ARFGEF3: variants seen among roughly 807,000 people sequenced by gnomAD.
ARFGEF3 encodes the protein brefeldin A-inhibited guanine nucleotide-exchange protein 3.
In ARFGEF3, 96 loss-of-function variants were observed where a neutral mutation model predicts 221.7. That is an observed-to-expected ratio of 0.43 (90% CI 0.37 to 0.51). ARFGEF3 has a LOEUF of 0.51. ARFGEF3 is among the 20% of genes least tolerant of loss of function. ARFGEF3 has a pLI of 0.00. For synonymous variants in ARFGEF3, 1,145 were observed against 1,126.8 expected, an observed-to-expected ratio of 1.02 and a Z score of -0.32; for missense variants, 2,410 against 2,789.9, an observed-to-expected ratio of 0.86 and a Z score of 3.07.
At chr6:138,286,616 C>T (rs1251005502) in intron 15 of ARFGEF3, 85 bp from the exon 16 acceptor site, 1 of 1,052,840 alleles carries the variant, frequency 9.5e-7, no homozygotes, top group African/African-American at 1.6e-5. Flanking sequence ...GAGTACTGCT[C>T]ATTTGATAGC....
At chr6:138,231,933 G>T (rs1421112111) in intron 5 of ARFGEF3, among the ~76,000 whole-genome samples, 1 of 152,186 alleles carries the variant, frequency 6.6e-6, no homozygotes, top group Admixed American at 6.5e-5. Context: ...ATAATGAAAA[G>T]TTCTTAGAAC....
chr6:138,321,211 C>T lies in ARFGEF3; in HGVS notation c.4752C>T (p.Gly1584=). 6.5e-7 allele frequency: 1 copy of T among 1,547,266 alleles called. No homozygotes were observed. Among genetic ancestry groups the T allele is most frequent in the Non-Finnish European group, 8.8e-7 (1 of 1,141,374 alleles). ...CCACTGAAACCATCTCCAGAGTGGG[C>T]TGCTCCTGTATTAGGTGAGGAAATG... The part of the protein sequence containing the change: ...AKPTETISRV[G]CSCIRYVLVT... Residue 1584 remains glycine, a synonymous_variant, in exon 29 of 34, where the codon GGC becomes GGT. Transcript: ENST00000251691.
At chr6:138,297,898 A>G (rs1366017842) in intron 21 of ARFGEF3, among the ~76,000 whole-genome samples, 2 of 152,178 alleles carry the variant, frequency 1.3e-5, no homozygotes, top group Admixed American at 1.3e-4. Context: ...ATGGTTCATG[A>G]TGACCTTAAC....
At chr6:138,191,511 G>A (rs557038209) in intron 2 of ARFGEF3, among the ~76,000 whole-genome samples, 1 of 152,068 alleles carries the variant, frequency 6.6e-6, no homozygotes, top group Non-Finnish European at 1.5e-5. Flanking sequence ...CTCTCTACTC[G>A]CTGGCTGTGG....
intron 6 of ARFGEF3, among the ~76,000 whole-genome samples, chr6:138,241,026 C>T (rs1778386419): frequency 6.6e-6 from 1 of 152,096 alleles, no homozygotes; most frequent in Non-Finnish European, 1.5e-5. Context: ...CATGTAACAC[C>T]CTCTTCCGAA....
intron 31 of ARFGEF3, among the ~76,000 whole-genome samples, chr6:138,327,360 G>A (rs1041200996): frequency 1.3e-5 from 2 of 152,104 alleles, no homozygotes; most frequent in African/African-American, 4.8e-5. Flanking sequence ...AAGGTGGGAG[G>A]ATCACTCGAG....
chr6:138,223,410 C>A (rs1778017707), intron 4 of ARFGEF3, among the ~76,000 whole-genome samples: 1 of 152,274 alleles, frequency 6.6e-6, no homozygotes, highest in East Asian at 1.9e-4. Context: ...ATGCGCCTGG[C>A]ATTAAGGTTT....
At position 138,278,635 on chromosome 6, in the gene ARFGEF3, C is replaced by T; in HGVS notation, c.2295+18C>T. 6.2e-7 allele frequency: 1 copy of T among 1,612,578 alleles called. No individual in the cohort carries two copies. The highest frequency in any genetic ancestry group is 8.5e-7 in the Non-Finnish European group (1 of 1,179,298). On this transcript the variant is annotated intron_variant, in intron 13 of 33. Transcript: ENST00000251691. ...GCGTGATGGTGAGTGTGCCGTCCCTCATTGGACTGGCAGAGGGCAGGCTGT... is the reference window on the plus strand; with the variant it reads ...GCGTGATGGTGAGTGTGCCGTCCCTTATTGGACTGGCAGAGGGCAGGCTGT...
chr6:138,298,468 T>G (rs1779562670), intron 21 of ARFGEF3, 138 bp from the exon 22 acceptor site: 1 of 637,130 alleles, frequency 1.6e-6, no homozygotes, highest in Non-Finnish European at 2.6e-6. Flanking sequence ...TTGTTTAGAC[T>G]TATCCCTTAG....
At chr6:138,165,792 G>A (rs755323188) in intron 1 of ARFGEF3, among the ~76,000 whole-genome samples, 1 of 152,206 alleles carries the variant, frequency 6.6e-6, no homozygotes, top group African/African-American at 2.4e-5. Flanking sequence ...AAGGAGAGAG[G>A]CATCATTCCT....
At chr6:138,225,029 T>C (rs1583020946) in intron 4 of ARFGEF3, among the ~76,000 whole-genome samples, 1 of 152,132 alleles carries the variant, frequency 6.6e-6, no homozygotes, top group African/African-American at 2.4e-5. Flanking sequence ...GGTAGGATGG[T>C]ACCCAGGTTT....
intron 2 of ARFGEF3, among the ~76,000 whole-genome samples, chr6:138,178,642 C>T (rs1777003057): frequency 6.6e-6 from 1 of 152,164 alleles, no homozygotes; most frequent in Non-Finnish European, 1.5e-5. Flanking sequence ...AATTACTCAT[C>T]TTTGTATCTC....
chr6:138,313,580 C>CT (rs1183341626), intron 25 of ARFGEF3, among the ~76,000 whole-genome samples: 7 of 152,124 alleles, frequency 4.6e-5, no homozygotes, highest in Non-Finnish European at 1.5e-5. Flanking sequence ...TTTCCCTCTA[C>CT]TTTTTTGTTG....
At chr6:138,328,255 G>A (rs1014835391) in intron 32 of ARFGEF3, 113 bp downstream of exon 32, 1 of 1,266,576 alleles carries the variant, frequency 7.9e-7, no homozygotes, top group African/African-American at 1.5e-5. Flanking sequence ...AAACATTTGT[G>A]GAGTCATTTA....
intron 20 of ARFGEF3, among the ~76,000 whole-genome samples, chr6:138,296,525 C>A (rs1034476475): frequency 2.6e-5 from 4 of 152,086 alleles, no homozygotes; most frequent in Non-Finnish European, 4.4e-5. Flanking sequence ...GACTTCTCGG[C>A]CCTCCTACTG....
intron 22 of ARFGEF3, 47 bp downstream of exon 22, chr6:138,298,832 G>A: frequency 1.4e-6 from 2 of 1,414,848 alleles, no homozygotes; most frequent in South Asian, 1.2e-5. Context: ...CTTACTGAGT[G>A]CAGTGGCAGG....
chr6:138,229,667 TAAAGC>T, intron 4 of ARFGEF3, 112 bp from the exon 5 acceptor site: 1 of 771,440 alleles, frequency 1.3e-6, no homozygotes, highest in Non-Finnish European at 2.2e-6. Context: ...AAATATTAGG[TAAAGC>T]AAATAGCAAA....
intron 23 of ARFGEF3, among the ~76,000 whole-genome samples, chr6:138,308,510 C>T (rs536264207): frequency 1.2e-4 from 19 of 152,306 alleles, no homozygotes; most frequent in South Asian, 6.2e-4. Context: ...TGCCTCAGCT[C>T]TGCACTCGGC....
intron 27 of ARFGEF3, 71 bp downstream of exon 27, chr6:138,317,450 C>A: frequency 1.3e-6 from 2 of 1,569,154 alleles, no homozygotes; most frequent in Non-Finnish European, 1.7e-6. Flanking sequence ...GGTATTTCTG[C>A]AGGTGTCTGC....
Sources: gnomAD v4.1 joint callset for allele counts (sites outside exome capture counted in the v4.1 genomes callset) on GRCh38, gnomAD v4.1.1 for gene constraint, MANE v1.5 for transcripts, NCBI Gene and HGNC (gene_info 2026-07-23, HGNC 2026-07-21) for gene names.